CDK8: variants seen among roughly 807,000 people sequenced by gnomAD.
CDK8 encodes cyclin-dependent kinase 8.
In CDK8, 29 loss-of-function variants were observed where a neutral mutation model predicts 71.5. That is an observed-to-expected ratio of 0.41 (90% CI 0.30 to 0.55). CDK8 has a LOEUF of 0.55. Ranked by LOEUF, CDK8 falls within the 20% of genes least tolerant of loss-of-function variation. CDK8 has a pLI of 0.37. For synonymous variants in CDK8, 161 were observed against 192.1 expected, an observed-to-expected ratio of 0.84 and a Z score of 1.34; for missense variants, 288 against 572.6, an observed-to-expected ratio of 0.50 and a Z score of 5.07.
At chr13:26,319,891 A>T (rs1874690582) in intron 1 of CDK8, among the ~76,000 whole-genome samples, 1 of 152,192 alleles carries the variant, frequency 6.6e-6, no homozygotes, top group Non-Finnish European at 1.5e-5. Context: ...AGTGGAGTAG[A>T]ATAGAGAGCC....
chr13:26,345,612 A>G (rs762539240), intron 2 of CDK8, among the ~76,000 whole-genome samples: 2 of 152,128 alleles, frequency 1.3e-5, no homozygotes, highest in Non-Finnish European at 2.9e-5. Context: ...TGAATTCCTG[A>G]ACCTCAATGA....
chr13:26,337,608 C>T lies in CDK8; in HGVS notation c.170C>T (p.Thr57Ile). ...TATGCTTTAAAACAAATAGAAGGAACTGGGATCTCTATGTCGGCATGTAGA... is the reference window on the plus strand; with the variant it reads ...TATGCTTTAAAACAAATAGAAGGAATTGGGATCTCTATGTCGGCATGTAGA... Reference protein sequence around the residue: ...KDYALKQIEGTGISMSACREI... With the variant: ...KDYALKQIEGIGISMSACREI... Residue 57 changes from threonine (T) to isoleucine (I), a missense_variant, in exon 2 of 13, where the codon ACT becomes ATT. By Grantham distance (89) the Thr-to-Ile change is moderately conservative. Coordinates refer to ENST00000381527, the MANE Select transcript of CDK8 (RefSeq NM_001260.3). 1 of 1,457,952 alleles carries T rather than the reference C, an allele frequency of 6.9e-7. No homozygotes were observed. The highest frequency in any genetic ancestry group is 9.0e-7 in the Non-Finnish European group (1 of 1,105,034). 90.3% of individuals were successfully genotyped at this position (1,457,952 alleles called of 1,614,324 possible). A position where few individuals can be genotyped will look rare whatever the true frequency, so the allele number is the denominator to read the frequency against.
At chr13:26,332,147 G>A (rs1246054419) in intron 1 of CDK8, among the ~76,000 whole-genome samples, 6 of 151,872 alleles carry the variant, frequency 4.0e-5, no homozygotes, top group African/African-American at 7.3e-5. Flanking sequence ...ACTTTTATAC[G>A]TTGATTTTGT....
chr13:26,385,152 A>G, intron 5 of CDK8, 59 bp from the exon 6 acceptor site: 2 of 1,383,102 alleles, frequency 1.4e-6, no homozygotes, highest in Non-Finnish European at 2.0e-6. Flanking sequence ...AATTAGACTA[A>G]TTGGTTAGAT....
chr13:26,355,546 T>C (rs7991688), intron 4 of CDK8, among the ~76,000 whole-genome samples: 151,920 of 152,328 alleles, frequency 1, 75,758 homozygotes, highest in Middle Eastern at 1. Flanking sequence ...CGCAGGAAGC[T>C]GAGGTTGCAG....
intron 1 of CDK8, among the ~76,000 whole-genome samples, chr13:26,256,129 T>A (rs1871512739): frequency 6.6e-6 from 1 of 152,140 alleles, no homozygotes; most frequent in Admixed American, 6.5e-5. Flanking sequence ...AAGGTAGGGA[T>A]TTGGATTTGA....
At position 26,254,444 on chromosome 13, in the gene CDK8, G is replaced by A; in HGVS notation, c.-198G>A. 2 of 454,772 alleles carry A rather than the reference G, an allele frequency of 4.4e-6. No individual in the cohort carries two copies. Among genetic ancestry groups the A allele is most frequent in the South Asian group, 2.5e-5 (1 of 39,354 alleles). The allele number at this position is 454,772 out of a possible 1,614,324, so 28.2% of individuals were successfully genotyped here. On this transcript the variant is annotated 5_prime_UTR_variant, in exon 1 of 13. Coordinates refer to ENST00000381527, the MANE Select transcript of CDK8 (RefSeq NM_001260.3). This position sits in a 1 kb window ranked among gnomAD's most constrained non-coding sequence, Gnocchi z 6.7. ...GTTCCTCCACCCCCGGCCGGCCTCT[G>A]CCCCGCCGTCCCCCTGGATGTCCCT...
intron 1 of CDK8, among the ~76,000 whole-genome samples, chr13:26,258,252 T>C (rs948202859): frequency 2.0e-5 from 3 of 152,154 alleles, no homozygotes; most frequent in Admixed American, 2.0e-4. Context: ...CTCTTAACCA[T>C]TATGCTTCCT....
chr13:26,315,473 A>G (rs1874466334), intron 1 of CDK8, among the ~76,000 whole-genome samples: 1 of 152,154 alleles, frequency 6.6e-6, no homozygotes, highest in South Asian at 2.1e-4. Flanking sequence ...TGTATTAATG[A>G]TAAGCAAAAA....
At chr13:26,281,689 T>C (rs1008657514) in intron 1 of CDK8, among the ~76,000 whole-genome samples, 3 of 105,922 alleles carry the variant, frequency 2.8e-5, no homozygotes, top group Non-Finnish European at 5.1e-5. Flanking sequence ...ATTATTAAGC[T>C]ACTCAGGGAG....
chr13:26,335,105 G>A (rs1872919774), intron 1 of CDK8, among the ~76,000 whole-genome samples: 2 of 152,042 alleles, frequency 1.3e-5, no homozygotes, highest in South Asian at 4.1e-4. Context: ...TCCATCTTAA[G>A]AAATAATAAC....
At chr13:26,292,674 G>T (rs577231951) in intron 1 of CDK8, among the ~76,000 whole-genome samples, 3 of 152,192 alleles carry the variant, frequency 2.0e-5, no homozygotes, top group Non-Finnish European at 4.4e-5. Flanking sequence ...GTTACTAAAA[G>T]GAGGAAGAGA....
chr13:26,394,112 T>A (rs1875878252), intron 7 of CDK8, among the ~76,000 whole-genome samples: 1 of 152,146 alleles, frequency 6.6e-6, no homozygotes, highest in Non-Finnish European at 1.5e-5. Flanking sequence ...TCCAACTGTA[T>A]CTCAATCCCT....
chr13:26,255,019 T>TA (rs1871457014), intron 1 of CDK8, among the ~76,000 whole-genome samples: 1 of 152,182 alleles, frequency 6.6e-6, no homozygotes, highest in Non-Finnish European at 1.5e-5. Context: ...CACCGTGGGC[T>TA]GTATACTTTT....
intron 6 of CDK8, among the ~76,000 whole-genome samples, chr13:26,388,509 A>G (rs569409060): frequency 6.6e-6 from 1 of 152,348 alleles, no homozygotes; most frequent in South Asian, 2.1e-4. Flanking sequence ...GGTAAAGCAT[A>G]TTAACAAACT....
At chr13:26,374,904 C>T (rs1356585794) in intron 4 of CDK8, among the ~76,000 whole-genome samples, 2 of 151,942 alleles carry the variant, frequency 1.3e-5, no homozygotes, top group Non-Finnish European at 2.9e-5. Flanking sequence ...ATATTCTTTA[C>T]CCAGCAATTT....
At chr13:26,329,576 CACT>C (rs2137960910) in intron 1 of CDK8, among the ~76,000 whole-genome samples, 1 of 150,372 alleles carries the variant, frequency 6.7e-6, no homozygotes, top group East Asian at 2.0e-4. Context: ...GATCTTGGCT[CACT>C]GCAACCTCCG....
intron 5 of CDK8, among the ~76,000 whole-genome samples, chr13:26,384,703 A>T (rs1875392670): frequency 6.6e-6 from 1 of 152,178 alleles, no homozygotes; most frequent in Admixed American, 6.5e-5. Flanking sequence ...TAAAAAAAAT[A>T]CTGTGATTCC....
At chr13:26,355,896 A>C (rs1422905009) in intron 4 of CDK8, among the ~76,000 whole-genome samples, 1 of 152,094 alleles carries the variant, frequency 6.6e-6, no homozygotes, top group Admixed American at 6.5e-5. Context: ...TATATTAGGT[A>C]AATACAGACT....
Sources: allele counts gnomAD v4.1 joint callset (sites outside exome capture counted in the v4.1 genomes callset), GRCh38; gene constraint gnomAD v4.1.1; non-coding constraint Gnocchi (gnomAD v3.1); transcripts MANE v1.5; gene names NCBI Gene and HGNC (gene_info 2026-07-23, HGNC 2026-07-21).